The following SPON2 variants were observed in gnomAD, a reference collection of about 807,000 sequenced individuals.
The protein encoded by SPON2 is spondin 2, also known as spondin-2.
A neutral mutation model predicts 29.9 loss-of-function variants in SPON2; 32 were observed. That is an observed-to-expected ratio of 1.07 (90% confidence interval 0.81 to 1.44). The LOEUF (loss-of-function observed/expected upper bound fraction) is 1.44. Ranked by LOEUF, SPON2 falls within the 40% of genes most tolerant of loss-of-function variation. The pLI, the probability that SPON2 is intolerant of heterozygous loss-of-function variation, is 0.00. For missense variants in SPON2, 541 were observed against 455.5 expected, an observed-to-expected ratio of 1.19 and a Z score of -1.71; for synonymous variants, 248 against 209.1, an observed-to-expected ratio of 1.19 and a Z score of -1.61.
upstream of SPON2, among the ~76,000 whole-genome samples, chr4:1,197,713 T>C (rs977560260): frequency 1.3e-5 from 2 of 151,800 alleles, no homozygotes; most frequent in African/African-American, 4.8e-5. Flanking sequence ...CTGAAAGAAA[T>C]AAAATAAAAT....
chr4:1,167,745 TTCA>T (rs757830615), intron 5 of SPON2, 89 bp from the exon 6 acceptor site: 72 of 1,408,784 alleles, frequency 5.1e-5, no homozygotes, highest in Non-Finnish European at 6.3e-5. Context: ...AACGTGTGCA[TTCA>T]TCAGAGGCCA....
intron 1 of SPON2, among the ~76,000 whole-genome samples, chr4:1,188,958 T>G (rs1464995756): frequency 6.6e-6 from 1 of 152,174 alleles, no homozygotes; most frequent in Non-Finnish European, 1.5e-5. Flanking sequence ...TCAACAAATT[T>G]AAAATGATTG....
At position 1,167,428 on chromosome 4, in the gene SPON2, A is replaced by G. The variant is rs1461237065; in HGVS notation, c.*44T>C. The G allele has an allele frequency of 6.4e-7, 1 of 1,572,818 alleles. No individual in the cohort carries two copies. On this transcript the variant is annotated 3_prime_UTR_variant, in exon 6 of 6. Coordinates refer to ENST00000290902, the MANE Select transcript of SPON2 (RefSeq NM_012445.4). Reference sequence around the variant, plus strand: ...ATGAGCCTGCACAGGAGCCCCCGACACCCCATGGCTCCGGGGGGCCCCAGG... The same window carrying G: ...ATGAGCCTGCACAGGAGCCCCCGACGCCCCATGGCTCCGGGGGGCCCCAGG...
At chr4:1,193,579 G>A (rs561870076) in intron 1 of SPON2, among the ~76,000 whole-genome samples, 75 of 135,996 alleles carry the variant, frequency 5.5e-4, no homozygotes, top group African/African-American at 1.7e-3. Flanking sequence ...AGGACCTGCC[G>A]CTGACCATGG....
exon 2 of SPON2, chr4:1,179,493 A>G (rs1727668773): frequency 6.6e-6 from 1 of 152,254 alleles, no homozygotes; most frequent in South Asian, 2.1e-4. Flanking sequence ...CAAAAAGGGC[A>G]GCATAAGGAC....
chr4:1,191,181 T>C (rs1727907333), intron 1 of SPON2, among the ~76,000 whole-genome samples: 1 of 151,722 alleles, frequency 6.6e-6, no homozygotes, highest in Non-Finnish European at 1.5e-5. Flanking sequence ...AAGAACTAAA[T>C]TGGAAGACTT....
intron 1 of SPON2, among the ~76,000 whole-genome samples, chr4:1,204,632 T>C (rs1354635703): frequency 1.3e-5 from 2 of 152,138 alleles, no homozygotes; most frequent in Non-Finnish European, 2.9e-5. Flanking sequence ...TTCCTTAGTT[T>C]TCTTACTTAT....
At chr4:1,178,237 G>A (rs917032797) in intron 2 of SPON2, among the ~76,000 whole-genome samples, 2 of 149,932 alleles carry the variant, frequency 1.3e-5, no homozygotes, top group Admixed American at 1.3e-4. Flanking sequence ...ACACACCGAG[G>A]GCCTCCCTCC....
chr4:1,202,119 T>G lies in SPON2; in HGVS notation c.-234+5761A>C, dbSNP rs547955603. 2.6e-5 allele frequency among the ~76,000 whole-genome samples: 4 copies of G among 152,220 alleles called. No homozygotes were observed. In the East Asian group the frequency reaches 7.7e-4, roughly 29 times the overall value. On this transcript the variant is annotated intron_variant, in intron 1 of 3. Coordinates refer to the SPON2 transcript ENST00000509233. The surrounding 1 kb of genome is among the most constrained non-coding windows in gnomAD (Gnocchi z 5.4). ...CAACCGCTCCCCGCCACGGTTTGAG[T>G]GAGGCCACAACAGAACATCAGACAG...
intron 5 of SPON2, chr4:1,170,168 A>G (rs1213052983): frequency 1.4e-5 from 7 of 514,774 alleles, no homozygotes; most frequent in Non-Finnish European, 2.4e-5. Context: ...GCCTCCTTTC[A>G]TTCTTTCCTC....
intron 5 of SPON2, chr4:1,170,147 T>G (rs775686809): frequency 5.4e-5 from 25 of 459,452 alleles, no homozygotes; most frequent in Non-Finnish European, 9.3e-5. Context: ...GTCTCTCAGG[T>G]ACTGTCTGGA....
At chr4:1,181,145 A>G (rs1282101498) in intron 1 of SPON2, among the ~76,000 whole-genome samples, 2 of 152,236 alleles carry the variant, frequency 1.3e-5, no homozygotes, top group Non-Finnish European at 2.9e-5. Flanking sequence ...TCAAGAGAGA[A>G]GCAACTCATC....
rs1034412566 is a variant in SPON2 at position 1,202,531 on chromosome 4, C to T, written c.-234+5349G>A. Among the ~76,000 whole-genome samples the T allele has an allele frequency of 1.3e-5, 2 of 152,216 alleles. No individual in the cohort carries two copies. The highest frequency in any genetic ancestry group is 2.9e-5 in the Non-Finnish European group (2 of 68,020). The stretch of plus-strand genomic sequence containing the variant: ...GATCTTGGACTCCCTGCCCACCTTC[C>T]AGACACATGGGGGCAGGGCTGGGCC... On this transcript the variant is annotated intron_variant, in intron 1 of 3. Coordinates refer to the SPON2 transcript ENST00000509233. The surrounding 1 kb of genome is among the most constrained non-coding windows in gnomAD (Gnocchi z 5.4).
Position 1,171,960 on chromosome 4 carries a change from T to G in SPON2, c.112A>C (p.Arg38=). 6.2e-7 allele frequency: 1 copy of G among 1,612,734 alleles called. No homozygotes were observed. Among genetic ancestry groups the G allele is most frequent in the Non-Finnish European group, 8.5e-7 (1 of 1,179,800 alleles). ...PLGGESICSA[R]ALAKYSITFT... ...GTGATGCTGTATTTGGCCAGGGCTC[T>G]GGCGGAACAGATGGACTCTCCCCCA... The change falls in exon 2 of 6, where the codon AGA becomes CGA. Residue 38 remains arginine (R), a synonymous_variant. Transcript: ENST00000290902.
chr4:1,199,074 A>T (rs1728136460), upstream of SPON2: 1 of 152,096 alleles, frequency 6.6e-6, no homozygotes, highest in Admixed American at 6.5e-5. The surrounding 1 kb of genome is among the most constrained non-coding windows in gnomAD (Gnocchi z 4.5). Flanking sequence ...ATGATTGTAA[A>T]CCTAGTTATG....
chr4:1,183,833 G>A (rs914806397), intron 1 of SPON2, among the ~76,000 whole-genome samples: 1 of 151,924 alleles, frequency 6.6e-6, no homozygotes, highest in African/African-American at 2.4e-5. Context: ...AATGAGAAAG[G>A]AATTTAAATA....
In SPON2 at chr4:1,204,139, T is replaced by C. The variant is rs547517286; in HGVS notation, c.-234+3741A>G. Among the ~76,000 whole-genome samples the C allele has an allele frequency of 7.9e-5, 12 of 152,366 alleles. No individual in the cohort carries two copies. The East Asian group carries it at 2.3e-3, about 29-fold the overall frequency. On this transcript the variant is annotated intron_variant, in intron 1 of 3. Coordinates refer to the SPON2 transcript ENST00000509233. Reference sequence around the variant, plus strand: ...CCCCCAGCTTGGCCTCCCAAAGTGCTGGGATTACAGGCGTGAGCCACTGCG... The same window carrying C: ...CCCCCAGCTTGGCCTCCCAAAGTGCCGGGATTACAGGCGTGAGCCACTGCG...
Position 1,171,889 on chromosome 4 carries a change from G to C in SPON2, c.183C>G (p.Pro61=). 1.2e-6 allele frequency: 2 copies of C among 1,612,958 alleles called. No homozygotes were observed. The highest frequency in any genetic ancestry group is 1.3e-5 in the African/African-American group (1 of 75,046). ...WSQTAFPKQY[P]LFRPPAQWSS... ...ACCACTGCGCAGGGGGGCGGAACAG[G>C]GGGTACTGCTTGGGGAAGGCCGTCT... is the stretch of plus-strand genomic sequence containing the variant. The change falls in exon 2 of 6, where the codon CCC becomes CCG. Residue 61 remains proline, a synonymous_variant. Transcript: ENST00000290902.
Position 1,202,479 on chromosome 4 carries a change from G to A in SPON2, c.-234+5401C>T, listed in dbSNP as rs899230771. Among the ~76,000 whole-genome samples, 1 of 152,188 alleles carries A rather than the reference G, an allele frequency of 6.6e-6. No homozygotes were observed. The highest frequency in any genetic ancestry group is 2.4e-5 in the African/African-American group (1 of 41,432). ...GAGTCAGCATTCTCTAGAGGGACAG[G>A]ACTCATAGGATACATGAACAGGGGA... On this transcript the variant is annotated intron_variant, in intron 1 of 3. Coordinates refer to the SPON2 transcript ENST00000509233. This position sits in a 1 kb window ranked among gnomAD's most constrained non-coding sequence, Gnocchi z 5.4.
Sources: gnomAD v4.1 joint callset for allele counts (sites outside exome capture counted in the v4.1 genomes callset) on GRCh38, gnomAD v4.1.1 for gene constraint, Gnocchi (gnomAD v3.1) non-coding constraint, MANE v1.5 for transcripts, NCBI Gene and HGNC (gene_info 2026-07-23, HGNC 2026-07-21) for gene names.